FER: variants seen among roughly 807,000 people sequenced by gnomAD.
FER encodes tyrosine-protein kinase Fer.
In FER, 63 loss-of-function variants were observed where a neutral mutation model predicts 111.0. The observed-to-expected ratio is 0.57, with a 90% confidence interval of 0.46 to 0.70. The LOEUF is 0.70. Ranked by LOEUF, FER falls within the 30% of genes least tolerant of loss-of-function variation. The probability of loss-of-function intolerance (pLI) is 0.00; values close to 1 mark genes in which losing one functional copy is unlikely to be tolerated. For missense variants in FER, 914 were observed against 954.0 expected (o/e 0.96, Z 0.55); for synonymous variants, 327 against 313.9 (o/e 1.04, Z -0.44).
rs112712684 is a variant in FER at position 108,853,787 on chromosome 5, C to G, written c.482-13980C>G. ...CTTGGTAGTTCCTTTAAAACACTGA[C>G]TTTTACTCAAGTAAGATGGGAAGCC... On this transcript the variant is annotated intron_variant, in intron 5 of 19. Transcript: ENST00000281092. Among the ~76,000 whole-genome samples the G allele has an allele frequency of 2.5e-3, 376 of 152,274 alleles. 2 individuals carry two copies. Among genetic ancestry groups the G allele is most frequent in the African/African-American group, 8.6e-3 (356 of 41,556 alleles).
intron 11 of FER, among the ~76,000 whole-genome samples, chr5:108,948,203 T>G (rs1757248094): frequency 6.6e-6 from 1 of 152,102 alleles, no homozygotes; most frequent in Admixed American, 6.6e-5. Flanking sequence ...GATTTACCTC[T>G]GTTTTTAACA....
intron 13 of FER, among the ~76,000 whole-genome samples, chr5:109,031,687 ATTTCTACTTC>A (rs1324623547): frequency 6.6e-6 from 1 of 152,092 alleles, no homozygotes; most frequent in African/African-American, 2.4e-5. Context: ...TATCTAGAAG[ATTTCTACTTC>A]TTTCTATGCT....
chr5:109,132,153 T>A (rs1752424212), intron 17 of FER, among the ~76,000 whole-genome samples: 2 of 152,172 alleles, frequency 1.3e-5, no homozygotes, highest in Admixed American at 6.5e-5. Context: ...GCTGGGCATC[T>A]TCACAAACTT....
chr5:108,961,074 T>A (rs1352088590), intron 13 of FER, among the ~76,000 whole-genome samples: 2 of 150,378 alleles, frequency 1.3e-5, no homozygotes, highest in Non-Finnish European at 3.0e-5. Flanking sequence ...GGCAGCAGAG[T>A]GAGACCCTGT....
intron 12 of FER, among the ~76,000 whole-genome samples, chr5:108,958,364 A>T (rs899772625): frequency 6.6e-6 from 1 of 151,702 alleles, no homozygotes; most frequent in Non-Finnish European, 1.5e-5. Context: ...CTTCCTGGGT[A>T]TGAGAACTAG....
In FER at chr5:109,125,078, A is replaced by C. The variant is rs566051018; in HGVS notation, c.2048+24559A>C. 1.1e-3 allele frequency among the ~76,000 whole-genome samples: 172 copies of C among 151,630 alleles called. 2 individuals are homozygous for C. The highest frequency in any genetic ancestry group is 3.9e-3 in the African/African-American group (160 of 41,384). ...AAAAAAAAAAAAGAAGAAAGATAGA[A>C]GTTGACTGCTAATCAGTAGGAAAAG... On this transcript the variant is annotated intron_variant, in intron 17 of 19. Coordinates refer to ENST00000281092, the MANE Select transcript of FER (RefSeq NM_005246.4).
chr5:108,993,410 G>A (rs142045310), intron 13 of FER, among the ~76,000 whole-genome samples: 8,838 of 152,148 alleles, frequency 0.058, 393 homozygotes, highest in South Asian at 0.12. Flanking sequence ...GTGGCCGCGC[G>A]CGCCTGCAAT....
At chr5:108,805,621 C>T (rs1757124918) in intron 3 of FER, among the ~76,000 whole-genome samples, 1 of 152,134 alleles carries the variant, frequency 6.6e-6, no homozygotes, top group South Asian at 2.1e-4. Context: ...GAGGTAGTCT[C>T]AGATAGAGAT....
intron 13 of FER, among the ~76,000 whole-genome samples, chr5:109,000,291 C>A: frequency 6.6e-6 from 1 of 151,456 alleles, no homozygotes. Flanking sequence ...CATATTTAAG[C>A]AGACATTAAT....
intron 8 of FER, among the ~76,000 whole-genome samples, chr5:108,880,600 G>A (rs1418871501): frequency 1.3e-5 from 2 of 151,958 alleles, no homozygotes; most frequent in Non-Finnish European, 2.9e-5. Context: ...ATATAGTAAT[G>A]TTTTCTTTAT....
chr5:108,888,351 CT>C (rs1439020407), intron 9 of FER, among the ~76,000 whole-genome samples: 1 of 151,918 alleles, frequency 6.6e-6, no homozygotes, highest in Non-Finnish European at 1.5e-5. Context: ...GAAACTTACA[CT>C]TTTGTGGAGG....
At chr5:109,122,204 T>TAGG (rs1751067167) in intron 17 of FER, among the ~76,000 whole-genome samples, 2 of 152,148 alleles carry the variant, frequency 1.3e-5, no homozygotes, top group African/African-American at 4.8e-5. Context: ...TATAGGCCCT[T>TAGG]ACAGCTCTAA....
rs111766933 is a variant in FER, at chr5:108,915,603, C to T, written c.1236+17755C>T. 4.7e-3 allele frequency among the ~76,000 whole-genome samples: 648 copies of T among 137,628 alleles called. 4 individuals are homozygous for T. Among genetic ancestry groups the T allele is most frequent in the African/African-American group, 0.017 (618 of 37,164 alleles). The allele number at this position is 137,628 out of a possible 152,430, so 90.3% of individuals were successfully genotyped here. On this transcript the variant is annotated intron_variant, in intron 10 of 19. Transcript: ENST00000281092. ...CCACAAAGGACTTTTTTTTTTTTGG[C>T]AAGGGGATAAATTACTCTGTCCTAA...
At chr5:108,826,417 A>G (rs1350344856) in intron 3 of FER, among the ~76,000 whole-genome samples, 2 of 151,536 alleles carry the variant, frequency 1.3e-5, no homozygotes, top group Non-Finnish European at 2.9e-5. Context: ...TTTTTTTCCA[A>G]TTTATTTTTA....
intron 16 of FER, among the ~76,000 whole-genome samples, chr5:109,070,037 TCTC>T (rs919861886): frequency 2.6e-5 from 4 of 152,084 alleles, no homozygotes; most frequent in African/African-American, 9.6e-5. Flanking sequence ...ATTTGCCTAT[TCTC>T]CTCATTAAGT....
At chr5:108,853,431 A>G (rs1580880138) in intron 5 of FER, among the ~76,000 whole-genome samples, 1 of 152,334 alleles carries the variant, frequency 6.6e-6, no homozygotes, top group African/African-American at 2.4e-5. Context: ...ATGGTGATAA[A>G]TACCATGGAG....
At chr5:108,861,480 T>G (rs1763514026) in intron 5 of FER, among the ~76,000 whole-genome samples, 1 of 152,164 alleles carries the variant, frequency 6.6e-6, no homozygotes, top group Admixed American at 6.5e-5. Context: ...GTGAATTTTA[T>G]TATGTGGAGG....
intron 17 of FER, among the ~76,000 whole-genome samples, chr5:109,114,972 C>T (rs981993064): frequency 6.6e-6 from 1 of 152,022 alleles, no homozygotes; most frequent in African/African-American, 2.4e-5. Flanking sequence ...TTCCTTCTTT[C>T]CCTCCTCTCT....
intron 5 of FER, among the ~76,000 whole-genome samples, chr5:108,864,329 G>T (rs1763818856): frequency 6.6e-6 from 1 of 152,160 alleles, no homozygotes; most frequent in South Asian, 2.1e-4. Flanking sequence ...GAATTGGAGG[G>T]ATGATGAGAA....
Sources: allele counts gnomAD v4.1 joint callset (sites outside exome capture counted in the v4.1 genomes callset), GRCh38; gene constraint gnomAD v4.1.1; transcripts MANE v1.5; gene names NCBI Gene and HGNC (gene_info 2026-07-23, HGNC 2026-07-21).